CUL3: variants seen among roughly 807,000 people sequenced by gnomAD.
The protein encoded by CUL3 is cullin 3.
A neutral mutation model predicts 89.1 loss-of-function variants in CUL3; 19 were observed. The ratio of observed to expected loss-of-function variants is 0.21; its 90% CI spans 0.15 to 0.31. The LOEUF is 0.31. Ranked by LOEUF, CUL3 falls within the 10% of genes least tolerant of loss-of-function variation. CUL3 has a pLI of 1.00. For synonymous variants in CUL3, 351 were observed against 308.4 expected (o/e 1.14, Z -1.45); for missense variants, 469 against 942.3 (o/e 0.50, Z 6.58).
chr2:224,484,366 A>G (rs959958757), intron 13 of CUL3, among the ~76,000 whole-genome samples: 1 of 152,204 alleles, frequency 6.6e-6, no homozygotes, highest in African/African-American at 2.4e-5. Context: ...CACTATGGGA[A>G]AAAATATTTT....
chr2:224,494,444 A>G (rs1692091594), intron 13 of CUL3, among the ~76,000 whole-genome samples: 2 of 151,932 alleles, frequency 1.3e-5, no homozygotes, highest in South Asian at 4.1e-4. Context: ...AAGGAAAAGG[A>G]AAAAAAAGCA....
intron 14 of CUL3, chr2:224,480,269 G>C (rs1180031825): frequency 6.6e-6 from 1 of 152,130 alleles, no homozygotes; most frequent in Non-Finnish European, 1.5e-5. Flanking sequence ...TAAATAGGTA[G>C]GGTCTGAGTC....
At chr2:224,519,734 A>C (rs1466934978) in intron 3 of CUL3, among the ~76,000 whole-genome samples, 7 of 152,314 alleles carry the variant, frequency 4.6e-5, no homozygotes, top group African/African-American at 1.4e-4. Flanking sequence ...ATTTGTGTGC[A>C]TATGTTAAAC....
chr2:224,563,452 ACTT>A (rs1694964991), intron 1 of CUL3: 1 of 259,822 alleles, frequency 3.8e-6, no homozygotes, highest in Non-Finnish European at 7.8e-6. Context: ...CTGTGTGTGC[ACTT>A]CTTTTCTGGA....
intron 1 of CUL3, among the ~76,000 whole-genome samples, chr2:224,573,333 G>A (rs1380057966): frequency 6.6e-6 from 1 of 152,062 alleles, no homozygotes; most frequent in Admixed American, 6.5e-5. Flanking sequence ...GTAGCAAAGT[G>A]TTAACTCATA....
At chr2:224,546,282 T>C (rs1204281941) in intron 2 of CUL3, among the ~76,000 whole-genome samples, 4 of 152,048 alleles carry the variant, frequency 2.6e-5, no homozygotes, top group Admixed American at 1.3e-4. Context: ...TGTTCTCGAG[T>C]ACGATGGAAA....
rs755472060 is a variant in CUL3 at position 224,501,877 on chromosome 2, A to G, written c.1485+1088T>C. ...AAGATTAGTGGAAGAAAAAAATTTA[A>G]AAACTTACTAGAGCAAACAAAAAAA... On this transcript the variant is annotated intron_variant, in intron 10 of 15. Transcript: ENST00000264414. 4.7e-4 allele frequency among the ~76,000 whole-genome samples: 71 copies of G among 152,234 alleles called. 1 individual carries two copies. Among genetic ancestry groups the G allele is most frequent in the Non-Finnish European group, 8.8e-4 (60 of 68,040 alleles).
intron 13 of CUL3, among the ~76,000 whole-genome samples, chr2:224,492,828 C>CATAA (rs1462015613): frequency 2.6e-5 from 4 of 152,298 alleles, no homozygotes; most frequent in Non-Finnish European, 5.9e-5. Flanking sequence ...AGAAGTGACA[C>CATAA]TACATGTCTT....
intron 1 of CUL3, among the ~76,000 whole-genome samples, chr2:224,580,905 A>G (rs1695420434): frequency 4.6e-5 from 7 of 150,632 alleles, no homozygotes; most frequent in Admixed American, 4.6e-4. Context: ...TTAAGACAAG[A>G]GTCTTGCTCT....
rs578206138 is a variant in CUL3 at position 224,550,913 on chromosome 2, G to A, written c.264+6746C>T. 8.5e-5 allele frequency among the ~76,000 whole-genome samples: 13 copies of A among 152,072 alleles called. No individual in the cohort carries two copies. In the South Asian group the frequency reaches 2.3e-3, roughly 27 times the overall value. On this transcript the variant is annotated intron_variant, in intron 2 of 15. Transcript: ENST00000264414. ...CATATAATTAATTACAAAGCCTTCT[G>A]CCATGGCTTCAAGGTCTGGCATGAT...
intron 2 of CUL3, among the ~76,000 whole-genome samples, chr2:224,541,076 CA>C (rs1180288408): frequency 1.3e-5 from 2 of 150,978 alleles, no homozygotes; most frequent in Admixed American, 1.3e-4. Context: ...CAAATGATAC[CA>C]AAAGCATAAT....
intron 8 of CUL3, among the ~76,000 whole-genome samples, chr2:224,505,103 T>C (rs1326616578): frequency 6.6e-6 from 1 of 150,654 alleles, no homozygotes; most frequent in Non-Finnish European, 1.5e-5. Context: ...GTCATAAAAA[T>C]GACTGTTTAC....
At chr2:224,528,897 GT>G (rs1452869228) in intron 3 of CUL3, among the ~76,000 whole-genome samples, 1 of 151,994 alleles carries the variant, frequency 6.6e-6, no homozygotes, top group African/African-American at 2.4e-5. Context: ...TACCTTTGCT[GT>G]TTGTGAAAAT....
chr2:224,510,222 T>C, intron 6 of CUL3, among the ~76,000 whole-genome samples: 1 of 151,056 alleles, frequency 6.6e-6, no homozygotes, highest in Non-Finnish European at 1.5e-5. Context: ...GACTTCTGTT[T>C]TTTTTTTTTT....
intron 11 of CUL3, among the ~76,000 whole-genome samples, chr2:224,499,082 CA>C (rs1279757885): frequency 1.3e-5 from 2 of 152,154 alleles, no homozygotes; most frequent in Non-Finnish European, 2.9e-5. Context: ...GGATCAGCAC[CA>C]AAAATATCTT....
chr2:224,551,986 T>G (rs963760366), intron 2 of CUL3, among the ~76,000 whole-genome samples: 1 of 152,192 alleles, frequency 6.6e-6, no homozygotes, highest in Non-Finnish European at 1.5e-5. Context: ...TTGATTATAT[T>G]TTATAACTAA....
At chr2:224,502,020 T>A (rs1692411470) in intron 10 of CUL3, among the ~76,000 whole-genome samples, 1 of 152,232 alleles carries the variant, frequency 6.6e-6, no homozygotes, top group Non-Finnish European at 1.5e-5. Context: ...TGTCATGGAC[T>A]TGCATCTTTC....
intron 1 of CUL3, among the ~76,000 whole-genome samples, chr2:224,584,357 G>A (rs1221741787): frequency 1.3e-5 from 2 of 152,124 alleles, no homozygotes; most frequent in East Asian, 1.9e-4. Flanking sequence ...AAGCTTGTAG[G>A]ATGAAAGACG....
At chr2:224,538,904 T>C (rs1203824812) in intron 2 of CUL3, among the ~76,000 whole-genome samples, 2 of 152,148 alleles carry the variant, frequency 1.3e-5, no homozygotes, top group East Asian at 1.9e-4. Flanking sequence ...TGCAGTAGTG[T>C]GTCCGTGGTC....
Sources: gnomAD v4.1 joint callset for allele counts (sites outside exome capture counted in the v4.1 genomes callset) on GRCh38, gnomAD v4.1.1 for gene constraint, MANE v1.5 for transcripts, NCBI Gene and HGNC (gene_info 2026-07-23, HGNC 2026-07-21) for gene names.